The following LINGO2 variants were observed in gnomAD, a reference collection of about 807,000 sequenced individuals.
LINGO2 encodes the protein leucine-rich repeat and immunoglobulin-like domain-containing nogo receptor-interacting protein 2.
A neutral mutation model predicts 30.6 loss-of-function variants in LINGO2; 14 were observed. The ratio of observed to expected loss-of-function variants is 0.46; its 90% CI spans 0.30 to 0.72. The LOEUF (loss-of-function observed/expected upper bound fraction) is 0.72. Ranked by LOEUF, LINGO2 falls within the 30% of genes least tolerant of loss-of-function variation. LINGO2 has a pLI of 0.07. For synonymous variants in LINGO2, 317 were observed against 288.5 expected, an observed-to-expected ratio of 1.10 and a Z score of -1.00; for missense variants, 729 against 751.7, an observed-to-expected ratio of 0.97 and a Z score of 0.35.
chr9:28,803,110 A>C, the LINGO2 span, among the ~76,000 whole-genome samples: 3 of 152,204 alleles, frequency 2.0e-5, no homozygotes, highest in Non-Finnish European at 2.9e-5. Context: ...ATATCAGTGC[A>C]TTTAGATCTT....
intron 3 of LINGO2, among the ~76,000 whole-genome samples, chr9:28,347,616 T>C (rs992041456): frequency 2.0e-5 from 3 of 152,210 alleles, no homozygotes; most frequent in African/African-American, 7.2e-5. Flanking sequence ...TGCAGTCCAA[T>C]GCACAATTTT....
the LINGO2 span, among the ~76,000 whole-genome samples, chr9:28,893,887 GC>G: frequency 6.6e-6 from 1 of 151,768 alleles, no homozygotes; most frequent in Non-Finnish European, 1.5e-5. Context: ...ATCTCCTAAT[GC>G]TATCCCTCCC....
At chr9:28,783,224 T>G in the LINGO2 span, among the ~76,000 whole-genome samples, 1 of 152,128 alleles carries the variant, frequency 6.6e-6, no homozygotes, top group Non-Finnish European at 1.5e-5. Context: ...TTGGTATCCA[T>G]GGGGAACCGG....
chr9:28,237,764 G>T (rs1821629864), intron 4 of LINGO2, among the ~76,000 whole-genome samples: 1 of 152,094 alleles, frequency 6.6e-6, no homozygotes, highest in South Asian at 2.1e-4. Flanking sequence ...TTGAAGCAGA[G>T]AATTGCTTGA....
At chr9:28,173,908 A>T (rs1256824974) in intron 4 of LINGO2, among the ~76,000 whole-genome samples, 1 of 152,230 alleles carries the variant, frequency 6.6e-6, no homozygotes. Flanking sequence ...TATTAGGAGT[A>T]GCTGGTTATA....
chr9:28,801,631 A>G, the LINGO2 span, among the ~76,000 whole-genome samples: 9 of 152,074 alleles, frequency 5.9e-5, no homozygotes, highest in African/African-American at 2.2e-4. Context: ...AGTCATTCAC[A>G]TATCTATTTC....
intron 3 of LINGO2, among the ~76,000 whole-genome samples, chr9:28,360,076 G>C (rs1820380684): frequency 6.6e-6 from 1 of 152,186 alleles, no homozygotes; most frequent in Admixed American, 6.6e-5. Flanking sequence ...TAGAAGGTAA[G>C]AGATCATGGT....
intron 4 of LINGO2, among the ~76,000 whole-genome samples, chr9:28,224,646 T>G (rs1168792960): frequency 1.3e-5 from 2 of 152,262 alleles, no homozygotes; most frequent in Non-Finnish European, 2.9e-5. Context: ...TTTCCTCTCT[T>G]TATCTTTCCT....
intron 1 of LINGO2, among the ~76,000 whole-genome samples, chr9:28,511,173 C>T (rs925637746): frequency 2.6e-5 from 4 of 152,160 alleles, no homozygotes; most frequent in African/African-American, 7.2e-5. Context: ...TATTAACCAT[C>T]ACAAGTCCAC....
intron 1 of LINGO2, among the ~76,000 whole-genome samples, chr9:28,516,076 A>G (rs1386631553): frequency 6.6e-6 from 1 of 152,216 alleles, no homozygotes; most frequent in Non-Finnish European, 1.5e-5. Context: ...GCAATAAAGC[A>G]TTTTAAAATT....
At chr9:28,621,588 T>C (rs1212636790) in intron 1 of LINGO2, among the ~76,000 whole-genome samples, 1 of 152,028 alleles carries the variant, frequency 6.6e-6, no homozygotes, top group Non-Finnish European at 1.5e-5. Context: ...ATTCCAAATG[T>C]TCCTGAGATA....
intron 4 of LINGO2, among the ~76,000 whole-genome samples, chr9:28,160,572 C>A (rs1211687831): frequency 6.6e-6 from 1 of 152,120 alleles, no homozygotes; most frequent in African/African-American, 2.4e-5. Context: ...TCCCCTCCTG[C>A]CCCCCTTCTG....
intron 1 of LINGO2, among the ~76,000 whole-genome samples, chr9:28,528,899 A>G (rs1237556238): frequency 6.6e-6 from 1 of 152,172 alleles, no homozygotes; most frequent in African/African-American, 2.4e-5. Flanking sequence ...ATTTTCTCAA[A>G]TAAATCACTA....
In LINGO2 at chr9:28,184,267, G is replaced by A. The variant is rs186340201; in HGVS notation, c.-87+110941C>T. Among the ~76,000 whole-genome samples the A allele has an allele frequency of 1.9e-4, 29 of 152,228 alleles. 1 individual carries two copies. The highest frequency in any genetic ancestry group is 1.3e-3 in the Admixed American group (20 of 15,280). Reference sequence around the variant, plus strand: ...TTCTTTTGTATACTTCCACAAGTTAGCTACTACCCTCTTTCGTTTCTTTTG... The same window carrying A: ...TTCTTTTGTATACTTCCACAAGTTAACTACTACCCTCTTTCGTTTCTTTTG... On this transcript the variant is annotated intron_variant, in intron 4 of 5. Coordinates refer to ENST00000379992, the Ensembl canonical transcript of LINGO2.
chr9:28,079,031 G>A (rs1412120306), intron 4 of LINGO2, among the ~76,000 whole-genome samples: 1 of 148,444 alleles, frequency 6.7e-6, no homozygotes, highest in Non-Finnish European at 1.5e-5. Context: ...TAACACGAGG[G>A]AGCTCCCTGG....
At position 28,460,881 on chromosome 9, in the gene LINGO2, G is replaced by A. The variant is rs145667568; in HGVS notation, c.-279+15059C>T. 8.3e-3 allele frequency among the ~76,000 whole-genome samples: 1,265 copies of A among 152,100 alleles called. 16 individuals carry two copies. Among genetic ancestry groups the A allele is most frequent in the African/African-American group, 0.028 (1,165 of 41,508 alleles). Reference sequence around the variant, plus strand: ...GGTAAGTGAGCAAGAACTCAACTTCGTCATACAAATAGACTAAAAATGTCT... The same window carrying A: ...GGTAAGTGAGCAAGAACTCAACTTCATCATACAAATAGACTAAAAATGTCT... On this transcript the variant is annotated intron_variant, in intron 2 of 5. Coordinates refer to ENST00000379992, the Ensembl canonical transcript of LINGO2.
At chr9:28,383,854 T>A (rs984112867) in intron 2 of LINGO2, among the ~76,000 whole-genome samples, 1 of 152,082 alleles carries the variant, frequency 6.6e-6, no homozygotes, top group Non-Finnish European at 1.5e-5. Flanking sequence ...GTTTTGTATA[T>A]GCACTTTTTT....
At chr9:28,615,942 A>T (rs1291755240) in intron 1 of LINGO2, among the ~76,000 whole-genome samples, 1 of 152,164 alleles carries the variant, frequency 6.6e-6, no homozygotes, top group East Asian at 1.9e-4. Context: ...ATGTAAATTT[A>T]AAAAACTGGA....
chr9:28,841,405 G>C, the LINGO2 span, among the ~76,000 whole-genome samples: 1 of 151,768 alleles, frequency 6.6e-6, no homozygotes, highest in African/African-American at 2.4e-5. Flanking sequence ...TACTGGGAAA[G>C]TATTAGTACT....
Sources: allele counts gnomAD v4.1 joint callset (sites outside exome capture counted in the v4.1 genomes callset), GRCh38; gene constraint gnomAD v4.1.1; transcripts MANE v1.5; gene names NCBI Gene and HGNC (gene_info 2026-07-23, HGNC 2026-07-21).